Variants in ANTXR1 observed in about 807,000 individuals in gnomAD.
ANTXR1 encodes anthrax toxin receptor 1.
A neutral mutation model predicts 78.1 loss-of-function variants in ANTXR1; 19 were observed. The observed-to-expected ratio is 0.24, with a 90% CI of 0.17 to 0.36. The LOEUF is 0.36. Ranked by LOEUF, ANTXR1 falls within the 10% of genes least tolerant of loss-of-function variation. The pLI, the probability that ANTXR1 is intolerant of heterozygous loss-of-function variation, is 1.00. For synonymous variants in ANTXR1, 273 were observed against 260.5 expected (o/e 1.05, Z -0.46); for missense variants, 518 against 718.6 (o/e 0.72, Z 3.19).
At chr2:69,214,442 G>A (rs1675127888) in intron 17 of ANTXR1, among the ~76,000 whole-genome samples, 1 of 152,136 alleles carries the variant, frequency 6.6e-6, no homozygotes, top group Non-Finnish European at 1.5e-5. Context: ...TGTATTCTTA[G>A]GCTATAAGCA....
chr2:69,081,570 T>G (rs1208152823), intron 8 of ANTXR1, among the ~76,000 whole-genome samples: 1 of 152,234 alleles, frequency 6.6e-6, no homozygotes, highest in Non-Finnish European at 1.5e-5. Context: ...AACCAGACAT[T>G]ATCCCTTTTT....
At chr2:69,104,202 G>A (rs1480911896) in intron 10 of ANTXR1, among the ~76,000 whole-genome samples, 9 of 152,138 alleles carry the variant, frequency 5.9e-5, no homozygotes, top group Admixed American at 5.9e-4. Flanking sequence ...GCTTCCCAAA[G>A]TGCTGGGATT....
chr2:69,211,426 A>G (rs1675041392), intron 17 of ANTXR1, among the ~76,000 whole-genome samples: 1 of 152,054 alleles, frequency 6.6e-6, no homozygotes, highest in Non-Finnish European at 1.5e-5. Flanking sequence ...TCTCTCTCTG[A>G]CATAAGGGAA....
chr2:69,135,047 A>G (rs1020407302), intron 12 of ANTXR1: 5 of 424,556 alleles, frequency 1.2e-5, no homozygotes, highest in Middle Eastern at 3.4e-4. Context: ...GACCACAGGA[A>G]TATCAGAGTG....
At chr2:69,071,579 G>A (rs1416931750) in intron 4 of ANTXR1, among the ~76,000 whole-genome samples, 175 bp from the exon 5 acceptor site, 1 of 152,212 alleles carries the variant, frequency 6.6e-6, no homozygotes, top group African/African-American at 2.4e-5. Flanking sequence ...ACTTAAATGA[G>A]AGGTAACTTT....
At chr2:69,243,792 G>A (rs567238534) in intron 17 of ANTXR1, among the ~76,000 whole-genome samples, 21 of 152,260 alleles carry the variant, frequency 1.4e-4, no homozygotes, top group African/African-American at 5.1e-4. Context: ...GGAGCATGTG[G>A]CCAGGAACAA....
intron 16 of ANTXR1, chr2:69,182,873 C>T (rs540002565): frequency 2.4e-5 from 15 of 628,070 alleles, no homozygotes; most frequent in South Asian, 1.2e-4. Flanking sequence ...TAAAAATCAC[C>T]GTGGTGCTCA....
chr2:69,207,793 CAAG>C (rs1674944649), intron 17 of ANTXR1, among the ~76,000 whole-genome samples: 2 of 152,082 alleles, frequency 1.3e-5, no homozygotes, highest in African/African-American at 4.8e-5. Context: ...GTCCCACATC[CAAG>C]AAGAATAAAG....
intron 1 of ANTXR1, among the ~76,000 whole-genome samples, chr2:69,019,386 A>G (rs1316903988): frequency 1.3e-5 from 2 of 152,214 alleles, no homozygotes; most frequent in African/African-American, 4.8e-5. Context: ...TATAAAGAGT[A>G]TAAGTATCTG....
At chr2:69,206,100 C>T (rs922543343) in intron 17 of ANTXR1, among the ~76,000 whole-genome samples, 9 of 152,246 alleles carry the variant, frequency 5.9e-5, no homozygotes, top group African/African-American at 2.2e-4. Context: ...TGTGAGGGTG[C>T]TCATTCCATT....
chr2:69,144,932 GGT>G (rs1673180225), intron 12 of ANTXR1, among the ~76,000 whole-genome samples: 1 of 152,146 alleles, frequency 6.6e-6, no homozygotes, highest in Admixed American at 6.5e-5. Context: ...CCTATCCTGG[GGT>G]TAGTTAAAAT....
intron 12 of ANTXR1, among the ~76,000 whole-genome samples, chr2:69,126,451 C>T (rs954571356): frequency 5.3e-5 from 8 of 152,106 alleles, no homozygotes; most frequent in African/African-American, 1.9e-4. Context: ...GTGTATCCTG[C>T]CTGATCCTGT....
At chr2:69,211,680 C>T (rs1322774034) in intron 17 of ANTXR1, among the ~76,000 whole-genome samples, 1 of 152,220 alleles carries the variant, frequency 6.6e-6, no homozygotes, top group African/African-American at 2.4e-5. Context: ...CAGCATTTCC[C>T]AAACTTGTAA....
At chr2:69,207,171 G>A (rs759587621) in intron 17 of ANTXR1, among the ~76,000 whole-genome samples, 6 of 152,176 alleles carry the variant, frequency 3.9e-5, no homozygotes, top group Admixed American at 6.5e-5. Flanking sequence ...AGACTAGGTC[G>A]ATAGTAGATT....
intron 7 of ANTXR1, among the ~76,000 whole-genome samples, chr2:69,076,307 A>T (rs748931592): frequency 3.9e-5 from 6 of 152,190 alleles, no homozygotes; most frequent in Non-Finnish European, 8.8e-5. Flanking sequence ...TGATTTTCTT[A>T]TTCAAATAAC....
intron 17 of ANTXR1, among the ~76,000 whole-genome samples, chr2:69,228,723 CAAAT>C (rs1451175940): frequency 6.6e-6 from 1 of 152,182 alleles, no homozygotes; most frequent in African/African-American, 2.4e-5. Flanking sequence ...ACTTGTCCCT[CAAAT>C]GAATACATAT....
At chr2:69,058,320 C>A (rs76348682) in intron 3 of ANTXR1, among the ~76,000 whole-genome samples, 2,140 of 152,238 alleles carry the variant, frequency 0.014, 54 homozygotes, top group African/African-American at 0.049. Flanking sequence ...CAAAGGACAG[C>A]CTAGCTCTCT....
At chr2:69,063,937 A>T (rs1348613356) in intron 3 of ANTXR1, among the ~76,000 whole-genome samples, 1 of 151,950 alleles carries the variant, frequency 6.6e-6, no homozygotes, top group Non-Finnish European at 1.5e-5. Flanking sequence ...AAGCTAATAG[A>T]TGATACTAGA....
At chr2:69,172,195 A>G (rs1674005487) in intron 14 of ANTXR1, among the ~76,000 whole-genome samples, 2 of 152,158 alleles carry the variant, frequency 1.3e-5, no homozygotes, top group African/African-American at 2.4e-5. Flanking sequence ...TCAATTAAAT[A>G]TGACGTCAGA....
Sources: gnomAD v4.1 joint callset for allele counts (sites outside exome capture counted in the v4.1 genomes callset) on GRCh38, gnomAD v4.1.1 for gene constraint, MANE v1.5 for transcripts, NCBI Gene and HGNC (gene_info 2026-07-23, HGNC 2026-07-21) for gene names.